SLC38A10: variants seen among roughly 807,000 people sequenced by gnomAD.
The protein encoded by SLC38A10 is solute carrier family 38 member 10.
In SLC38A10, 53 loss-of-function variants were observed where a neutral mutation model predicts 81.0. The ratio of observed to expected loss-of-function variants is 0.65; its 90% confidence interval spans 0.53 to 0.82. The LOEUF is 0.82. SLC38A10 is among the 40% of genes least tolerant of loss of function. The pLI is 0.00. For missense variants in SLC38A10, 1,471 were observed against 1,545.0 expected (o/e 0.95, Z 0.80); for synonymous variants, 665 against 655.3 (o/e 1.01, Z -0.23).
chr17:81,273,928 G>T (rs994823263), intron 8 of SLC38A10, among the ~76,000 whole-genome samples: 4 of 152,334 alleles, frequency 2.6e-5, no homozygotes, highest in African/African-American at 9.6e-5. Context: ...CATGGCCGCA[G>T]CCGCACCTCC....
chr17:81,256,074 G>A (rs1004922821), intron 11 of SLC38A10, among the ~76,000 whole-genome samples: 87 of 152,232 alleles, frequency 5.7e-4, no homozygotes, highest in Non-Finnish European at 8.2e-4. Context: ...CTGTCCCAGC[G>A]GCTCCTCACT....
intron 14 of SLC38A10, chr17:81,250,918 TA>T (rs1022632279): frequency 1.7e-6 from 2 of 1,194,942 alleles, no homozygotes; most frequent in Admixed American, 4.1e-5. Flanking sequence ...AGCAAAGGCG[TA>T]AGGAGCTTTC....
At position 81,253,221 on chromosome 17, in the gene SLC38A10, G is replaced by A. The variant is rs1438673621; in HGVS notation, c.1308C>T (p.Ala436=). The change falls in exon 12 of 16, where the codon GCC becomes GCT. Residue 436 remains alanine (A), a synonymous_variant. Coordinates refer to ENST00000374759, the MANE Select transcript of SLC38A10 (RefSeq NM_001037984.3). This position sits in a 1 kb window ranked among gnomAD's most constrained non-coding sequence, Gnocchi z 4.1. ...ARLSAQDPVV[A]VAEDGREKPK... is the part of the protein sequence containing the mutation. ...GCTTCTCCCGGCCATCCTCAGCCACGGCCACAACCGGATCCTGGGCTGGGA... is the reference window on the plus strand; with the variant it reads ...GCTTCTCCCGGCCATCCTCAGCCACAGCCACAACCGGATCCTGGGCTGGGA... 12 of 1,613,494 alleles carry A rather than the reference G, an allele frequency of 7.4e-6. No homozygotes were observed. The highest frequency in any genetic ancestry group is 2.2e-5 in the East Asian group (1 of 44,894).
chr17:81,274,969 C>T (rs572468382), intron 8 of SLC38A10, among the ~76,000 whole-genome samples: 31 of 152,314 alleles, frequency 2.0e-4, no homozygotes, highest in African/African-American at 6.0e-4. Context: ...TATGGTGGAG[C>T]GGTCATGGCC....
At chr17:81,257,396 G>A (rs189041278) in intron 11 of SLC38A10, among the ~76,000 whole-genome samples, 20 of 152,266 alleles carry the variant, frequency 1.3e-4, no homozygotes, top group Admixed American at 1.1e-3. Context: ...GTACCGGCCC[G>A]GAGAAGGCTT....
rs143060593 is a variant in SLC38A10 at position 81,282,327 on chromosome 17, G to A, written c.363C>T (p.Gly121=). The change falls in exon 5 of 16, where the codon GGC becomes GGT. Residue 121 remains glycine, a synonymous_variant. Transcript: ENST00000374759. ...FFARLFGFQV[G]GTFRMFLLFA... ...ACAGCAGGAACATGCGGAAGGTGCC[G>A]CCCACCTGCGGGGAGCCGGCAGGGG... The A allele has an allele frequency of 2.3e-5, 37 of 1,609,602 alleles. No homozygotes were observed. In the African/African-American group the frequency reaches 2.9e-4, roughly 13 times the overall value.
chr17:81,264,751 AC>A (rs2063055302), intron 10 of SLC38A10: 1 of 152,138 alleles, frequency 6.6e-6, no homozygotes, highest in South Asian at 2.1e-4. Flanking sequence ...GCATCCAGGC[AC>A]CACCCAGCAA....
At chr17:81,250,490 C>T (rs1219723133) in intron 14 of SLC38A10, among the ~76,000 whole-genome samples, 1 of 152,246 alleles carries the variant, frequency 6.6e-6, no homozygotes, top group African/African-American at 2.4e-5. Context: ...GGGAGGTGCC[C>T]GTGCCAGGGC....
At chr17:81,266,712 A>G (rs1267927888) in intron 10 of SLC38A10, among the ~76,000 whole-genome samples, 1 of 152,252 alleles carries the variant, frequency 6.6e-6, no homozygotes, top group Non-Finnish European at 1.5e-5. Flanking sequence ...CACCTGGGAA[A>G]CAGATGGGAA....
rs752751783 is a variant in SLC38A10, at chr17:81,246,936, TG to T, written c.2190del (p.His730GlnfsTer104). 1.9e-5 allele frequency: 31 copies of T among 1,608,028 alleles called. No individual in the cohort carries two copies. The highest frequency in any genetic ancestry group is 2.6e-5 in the Non-Finnish European group (31 of 1,179,566). ...EKLLAVIEEQ[H>X]KEIHQQRQED... Reference sequence around the variant, plus strand: ...TCCTGCCTCTGCTGGTGGATCTCCTTGTGCTGCTCCTCGATCACCGCCAGCA... The same window carrying T: ...TCCTGCCTCTGCTGGTGGATCTCCTTTGCTGCTCCTCGATCACCGCCAGCA... On this transcript the variant is annotated frameshift_variant, in exon 15 of 16. Transcript: ENST00000374759. LOFTEE classifies it high-confidence loss of function.
At position 81,265,442 on chromosome 17, in the gene SLC38A10, G is replaced by A. The variant is rs2063061499; in HGVS notation, c.1132-5048C>T. The A allele has an allele frequency of 6.6e-6, 1 of 152,182 alleles. No homozygotes were observed. The highest frequency in any genetic ancestry group is 2.1e-4 in the South Asian group (1 of 4,832). 9.4% of individuals were successfully genotyped at this position (152,182 alleles called of 1,614,324 possible). On this transcript the variant is annotated intron_variant, in intron 10 of 15. Coordinates refer to ENST00000374759, the MANE Select transcript of SLC38A10 (RefSeq NM_001037984.3). The surrounding 1 kb of genome is among the most constrained non-coding windows in gnomAD (Gnocchi z 4.2). ...AAATGTATCTTTTCGATTCCCTCAG[G>A]GCCGACCTATTTTCCTGTCCCCTGG...
intron 10 of SLC38A10, among the ~76,000 whole-genome samples, chr17:81,266,829 T>C (rs890226772): frequency 2.0e-5 from 3 of 152,174 alleles, no homozygotes; most frequent in Non-Finnish European, 4.4e-5. Flanking sequence ...AAGACGGCAA[T>C]TCCCAAGTTA....
At chr17:81,272,817 G>A (rs1276620265) in intron 8 of SLC38A10, among the ~76,000 whole-genome samples, 190 bp from the exon 9 acceptor site, 3 of 152,184 alleles carry the variant, frequency 2.0e-5, no homozygotes, top group Admixed American at 2.0e-4. Context: ...ACGGGAACCT[G>A]CAGCATGCCA....
Position 81,252,993 on chromosome 17 carries a change from C to A in SLC38A10, c.1456+80G>T, listed in dbSNP as rs143809990. ...AAAAGATACACACAGCCCTGAGAGC[C>A]ACCCCGCAGGGTGTCCAGCCTGCAA... is the stretch of plus-strand genomic sequence containing the variant. On this transcript the variant is annotated intron_variant, in intron 12 of 15. Coordinates refer to ENST00000374759, the MANE Select transcript of SLC38A10 (RefSeq NM_001037984.3). 18 of 1,529,640 alleles carry A rather than the reference C, an allele frequency of 1.2e-5. No individual in the cohort carries two copies. In the African/African-American group the frequency reaches 1.9e-4, roughly 16 times the overall value. 94.8% of individuals were successfully genotyped at this position (1,529,640 alleles called of 1,614,324 possible). A position where few individuals can be genotyped will look rare whatever the true frequency, so the allele number is the denominator to read the frequency against.
intron 3 of SLC38A10, among the ~76,000 whole-genome samples, chr17:81,284,132 C>T (rs997574551): frequency 3.3e-5 from 5 of 151,744 alleles, no homozygotes; most frequent in African/African-American, 9.7e-5. Flanking sequence ...CCGAGGCAGG[C>T]GGATCACCTG....
intron 11 of SLC38A10, among the ~76,000 whole-genome samples, chr17:81,257,508 T>A (rs191744231): frequency 4.6e-5 from 7 of 152,332 alleles, no homozygotes; most frequent in Non-Finnish European, 8.8e-5. Flanking sequence ...GATTCCATTG[T>A]CTGAGATCAC....
chr17:81,263,145 G>A (rs1391403917), intron 10 of SLC38A10: 1 of 152,224 alleles, frequency 6.6e-6, no homozygotes, highest in Non-Finnish European at 1.5e-5. Flanking sequence ...CCACCTCCCA[G>A]GGCAGTACCT....
chr17:81,254,210 G>A (rs1408568272), intron 11 of SLC38A10, among the ~76,000 whole-genome samples: 1 of 152,218 alleles, frequency 6.6e-6, no homozygotes, highest in East Asian at 1.9e-4. Flanking sequence ...CCAGTTCAGA[G>A]CAGCAGATGG....
chr17:81,294,400 A>G (rs550117375), intron 1 of SLC38A10, among the ~76,000 whole-genome samples: 1 of 152,252 alleles, frequency 6.6e-6, no homozygotes, highest in African/African-American at 2.4e-5. Flanking sequence ...TCACCTTGCA[A>G]CCAAGGTCCC....
Sources: gnomAD v4.1 joint callset for allele counts (sites outside exome capture counted in the v4.1 genomes callset) on GRCh38, gnomAD v4.1.1 for gene constraint, Gnocchi (gnomAD v3.1) non-coding constraint, MANE v1.5 for transcripts, NCBI Gene and HGNC (gene_info 2026-07-23, HGNC 2026-07-21) for gene names.